LRRC43: variants seen among roughly 807,000 people sequenced by gnomAD.
LRRC43 encodes leucine rich repeat containing 43, also known as leucine-rich repeat-containing protein 43.
LRRC43 carries 62 observed loss-of-function variants against 64.3 expected under a neutral mutation model. The observed-to-expected ratio is 0.96, with a 90% CI of 0.79 to 1.19. The LOEUF (loss-of-function observed/expected upper bound fraction) is 1.19, where lower values mean the gene tolerates loss of function less well. LRRC43 is among the 50% of genes most tolerant of loss of function. The probability of loss-of-function intolerance (pLI) is 0.00; values close to 1 mark genes in which losing one functional copy is unlikely to be tolerated. For missense variants in LRRC43, 868 were observed against 845.0 expected, an observed-to-expected ratio of 1.03 and a Z score of -0.34; for synonymous variants, 422 against 382.3, an observed-to-expected ratio of 1.10 and a Z score of -1.21.
rs534015110 is a variant in LRRC43, at chr12:122,192,896, T to TGTCTGTCATCTCGGGGCC, written c.1242_1259dup (p.Val416_Ser421dup). 9.1e-5 allele frequency: 147 copies of TGTCTGTCATCTCGGGGCC among 1,614,140 alleles called. No homozygotes were observed. In the African/African-American group the frequency reaches 1.8e-3, roughly 20 times the overall value. ...GTGGAGGAGTCAGGAGAGTCGGAGC[T>TGTCTGTCATCTCGGGGCC]GTCTGTCATCTCGGGGCCTTCGACC... On this transcript the variant is annotated inframe_insertion, in exon 7 of 12. Transcript: ENST00000339777.
At chr12:122,183,733 T>C (rs1299883969) in intron 1 of LRRC43, among the ~76,000 whole-genome samples, 1 of 152,166 alleles carries the variant, frequency 6.6e-6, no homozygotes, top group Non-Finnish European at 1.5e-5. Flanking sequence ...CCTGCCTCCC[T>C]GTCTCCAGAG....
At chr12:122,179,846 C>T (rs1345962961), upstream of LRRC43, among the ~76,000 whole-genome samples, 2 of 151,704 alleles carry the variant, frequency 1.3e-5, no homozygotes, top group African/African-American at 2.4e-5. Flanking sequence ...TGGCGCGTGT[C>T]TGTAGTCCCA....
In LRRC43 at chr12:122,189,599, C is replaced by T. The variant is rs57256382; in HGVS notation, c.663-531C>T. 5.5e-3 allele frequency: 2,231 copies of T among 407,174 alleles called. 27 individuals are homozygous for T. The highest frequency in any genetic ancestry group is 0.016 in the East Asian group (228 of 13,912). 25.2% of individuals were successfully genotyped at this position (407,174 alleles called of 1,614,324 possible). On this transcript the variant is annotated intron_variant, in intron 4 of 11. Coordinates refer to ENST00000339777, the MANE Select transcript of LRRC43 (RefSeq NM_001098519.2). ...GCTCTTTGCAGGCCCCTCCCAGGCC[C>T]CTTTCCTCCTGGGGTCCCGCCCCAG...
chr12:122,178,377 C>A (rs1365910865), upstream of LRRC43, among the ~76,000 whole-genome samples: 1 of 152,070 alleles, frequency 6.6e-6, no homozygotes, highest in Non-Finnish European at 1.5e-5. Context: ...CCACGGTGTC[C>A]ACCCGTGATC....
intron 1 of LRRC43, among the ~76,000 whole-genome samples, chr12:122,176,461 G>A (rs964022689): frequency 3.9e-5 from 6 of 152,018 alleles, no homozygotes; most frequent in African/African-American, 1.4e-4. Flanking sequence ...AGTGCTGGGC[G>A]GCTTTCAGTA....
At position 122,174,389 on chromosome 12, in the gene LRRC43, C is replaced by T. The variant is rs546785263; in HGVS notation, c.-406+6607C>T. 1.6e-4 allele frequency among the ~76,000 whole-genome samples: 24 copies of T among 152,290 alleles called. No homozygotes were observed. In the South Asian group the frequency reaches 4.6e-3, roughly 29 times the overall value. On this transcript the variant is annotated intron_variant, in intron 1 of 5. Transcript: ENST00000537729. The stretch of plus-strand genomic sequence containing the variant: ...GGCTGAATGGAAATGCTGAGGTTAC[C>T]CTCCAGGTGGGCAGATGCCTGACTC...
chr12:122,168,463 G>A (rs1158771476), intron 1 of LRRC43, among the ~76,000 whole-genome samples: 1 of 151,430 alleles, frequency 6.6e-6, no homozygotes, highest in Non-Finnish European at 1.5e-5. Context: ...AAAAGAGGTG[G>A]GTTCTCACCA....
In LRRC43 at chr12:122,200,389, G is replaced by A; in HGVS notation, c.1491+59G>A. ...AGGCTGCACTTCTGTCCTTGTTCCT[G>A]TTCCCATCGGGCTGTCCCCCATGGG... On this transcript the variant is annotated intron_variant, in intron 8 of 11. Transcript: ENST00000339777. The surrounding 1 kb of genome is among the most constrained non-coding windows in gnomAD (Gnocchi z 4.6). 6.2e-7 allele frequency: 1 copy of A among 1,608,380 alleles called. No individual in the cohort carries two copies. The highest frequency in any genetic ancestry group is 2.2e-5 in the East Asian group (1 of 44,856).
At chr12:122,174,711 C>T (rs1313884588) in intron 1 of LRRC43, among the ~76,000 whole-genome samples, 2 of 152,070 alleles carry the variant, frequency 1.3e-5, no homozygotes, top group Admixed American at 6.6e-5. Flanking sequence ...TGTGGCGGGT[C>T]GAAGGCTTCA....
At chr12:122,174,929 G>A (rs958119169) in intron 1 of LRRC43, among the ~76,000 whole-genome samples, 1 of 151,110 alleles carries the variant, frequency 6.6e-6, no homozygotes, top group Admixed American at 6.6e-5. Flanking sequence ...TGTCTCCTGG[G>A]CTCAAGCAAT....
At chr12:122,180,353 T>C (rs1272153853), upstream of LRRC43, among the ~76,000 whole-genome samples, 9 of 151,914 alleles carry the variant, frequency 5.9e-5, no homozygotes, top group Non-Finnish European at 1.5e-5. Flanking sequence ...ACCCTGTCTC[T>C]ACTAAAAATA....
Position 122,200,939 on chromosome 12 carries a change from A to G in LRRC43, c.1809+5A>G. On this transcript the variant is annotated splice_donor_5th_base_variant and intron_variant, in intron 10 of 11. Coordinates refer to ENST00000339777, the MANE Select transcript of LRRC43 (RefSeq NM_001098519.2). This position sits in a 1 kb window ranked among gnomAD's most constrained non-coding sequence, Gnocchi z 4.6. ...GACAGGCTGACGTTGGCCAGGGTACAGCCGGGCCCTAGCCACATCCTCCAC... is the reference window on the plus strand; with the variant it reads ...GACAGGCTGACGTTGGCCAGGGTACGGCCGGGCCCTAGCCACATCCTCCAC... 6.3e-7 allele frequency: 1 copy of G among 1,586,374 alleles called. No individual in the cohort carries two copies. The highest frequency in any genetic ancestry group is 1.2e-5 in the South Asian group (1 of 86,558).
At chr12:122,201,078 G>C in intron 10 of LRRC43, 144 bp downstream of exon 10, 1 of 1,130,854 alleles carries the variant, frequency 8.8e-7, no homozygotes, top group Non-Finnish European at 1.3e-6. Flanking sequence ...ATGCAGCTGG[G>C]CTGCTGGTGC....
In LRRC43 at chr12:122,183,296, T is replaced by C. The variant is rs773728003; in HGVS notation, c.150+2T>C. ...TTCCCGTGCGGTGCCGGCAGCTGGG[T>C]GCGGGCGCCGGGGCCGGAACTCTGG... On this transcript the variant is annotated splice_donor_variant, in intron 1 of 11. Coordinates refer to ENST00000339777, the MANE Select transcript of LRRC43 (RefSeq NM_001098519.2). LOFTEE classifies it high-confidence loss of function. The C allele has an allele frequency of 3.3e-6, 5 of 1,504,500 alleles. No homozygotes were observed. The South Asian group carries it at 5.2e-5, about 16-fold the overall frequency. The allele number at this position is 1,504,500 out of a possible 1,614,324, so 93.2% of individuals were successfully genotyped here.
intron 3 of LRRC43, 150 bp downstream of exon 3, chr12:122,186,450 C>T (rs1953645839): frequency 1.6e-6 from 1 of 608,082 alleles, no homozygotes; most frequent in East Asian, 2.8e-5. Flanking sequence ...TAGAAAAGTT[C>T]AACATAGAAT....
At chr12:122,198,593 G>A (rs1340592432) in intron 7 of LRRC43, among the ~76,000 whole-genome samples, 2 of 149,760 alleles carry the variant, frequency 1.3e-5, no homozygotes, top group Non-Finnish European at 3.0e-5. Flanking sequence ...CTCATCTGTG[G>A]TCGGTGTAAT....
Position 122,169,051 on chromosome 12 carries a change from G to A in LRRC43, c.-406+1269G>A, listed in dbSNP as rs890826419. On this transcript the variant is annotated intron_variant, in intron 1 of 5. Transcript: ENST00000537729. ...TCTCATTGTGTCATGTGAGGGGTGC[G>A]TGATACCCAAGCGTGGGCTCACTGG... Among the ~76,000 whole-genome samples, 4 of 152,264 alleles carry A rather than the reference G, an allele frequency of 2.6e-5. No individual in the cohort carries two copies. The South Asian group carries it at 6.2e-4, about 24-fold the overall frequency.
rs1273073371 is a variant in LRRC43 at position 122,200,815 on chromosome 12, G to C, written c.1690G>C (p.Val564Leu). 2 of 1,613,212 alleles carry C rather than the reference G, an allele frequency of 1.2e-6. No homozygotes were observed. The highest frequency in any genetic ancestry group is 2.2e-5 in the South Asian group (2 of 91,088). The change falls in exon 10 of 12, where the codon GTG (valine) becomes CTG (leucine). Residue 564 changes from valine (V) to leucine (L), a missense_variant. Coordinates refer to ENST00000339777, the MANE Select transcript of LRRC43 (RefSeq NM_001098519.2). The surrounding 1 kb of genome is among the most constrained non-coding windows in gnomAD (Gnocchi z 4.6). ...ELRQDPPILQ[V>L]LGRGLVILEP... ...CCGGCAGGACCCCCCCATCCTCCAG[G>C]TGCTGGGCCGGGGCCTGGTGATCCT...
chr12:122,168,120 A>T (rs1019842915), intron 1 of LRRC43, among the ~76,000 whole-genome samples: 5 of 146,494 alleles, frequency 3.4e-5, no homozygotes, highest in African/African-American at 5.1e-5. Context: ...TGGCAAAAAA[A>T]AATGTTTTAA....
Sources: allele counts gnomAD v4.1 joint callset (sites outside exome capture counted in the v4.1 genomes callset), GRCh38; gene constraint gnomAD v4.1.1; non-coding constraint Gnocchi (gnomAD v3.1); transcripts MANE v1.5; gene names NCBI Gene and HGNC (gene_info 2026-07-23, HGNC 2026-07-21).